Variants in SMIM35 observed in about 807,000 individuals in gnomAD.
The protein encoded by SMIM35 is TMPRSS4 antisense RNA 1 (non-protein coding).
chr11:118,071,915 T>C lies in SMIM35; in HGVS notation c.7+14836A>G, dbSNP rs116233910. 5.5e-3 allele frequency among the ~76,000 whole-genome samples: 837 copies of C among 152,272 alleles called. 10 individuals are homozygous for C. The highest frequency in any genetic ancestry group is 0.019 in the African/African-American group (795 of 41,538). Reference sequence around the variant, plus strand: ...ACTTCTAACCAGCTTCCAGCACTGGTGGCATTGCTGGGTCCATGGGCACAC... The same window carrying C: ...ACTTCTAACCAGCTTCCAGCACTGGCGGCATTGCTGGGTCCATGGGCACAC... On this transcript the variant is annotated intron_variant, in intron 1 of 4. Coordinates refer to ENST00000689828, the MANE Select transcript of SMIM35 (RefSeq NM_001394165.1).
intron 1 of SMIM35, among the ~76,000 whole-genome samples, chr11:118,085,821 C>A (rs1042803437): frequency 6.6e-6 from 1 of 152,174 alleles, no homozygotes; most frequent in Admixed American, 6.5e-5. Context: ...GATGGTGGCA[C>A]CTTCCTTCCT....
At chr11:118,036,733 T>C (rs571331944) in intron 1 of SMIM35, among the ~76,000 whole-genome samples, 1 of 152,362 alleles carries the variant, frequency 6.6e-6, no homozygotes, top group African/African-American at 2.4e-5. Flanking sequence ...GCTGGTTCTC[T>C]GCGATGGTGG....
intron 1 of SMIM35, among the ~76,000 whole-genome samples, chr11:118,030,615 G>A (rs1384794152): frequency 6.6e-6 from 1 of 152,146 alleles, no homozygotes; most frequent in Non-Finnish European, 1.5e-5. Context: ...CATGGAGAAG[G>A]GCTGCTTAGC....
chr11:118,085,066 G>A (rs1945438836), intron 1 of SMIM35, among the ~76,000 whole-genome samples: 1 of 152,274 alleles, frequency 6.6e-6, no homozygotes, highest in African/African-American at 2.4e-5. Context: ...AATGTGCACG[G>A]TGCTGAGCAG....
At chr11:118,084,239 A>T (rs1332463507) in intron 1 of SMIM35, among the ~76,000 whole-genome samples, 2 of 152,166 alleles carry the variant, frequency 1.3e-5, no homozygotes, top group Non-Finnish European at 2.9e-5. Flanking sequence ...AGCAAACAGG[A>T]TTCAGACCTA....
At chr11:118,077,745 C>T (rs1944772539) in intron 1 of SMIM35, among the ~76,000 whole-genome samples, 1 of 152,090 alleles carries the variant, frequency 6.6e-6, no homozygotes, top group African/African-American at 2.4e-5. Flanking sequence ...GGTGCAGTGG[C>T]TCACGCCTGT....
chr11:118,074,417 C>T (rs1944620183), intron 1 of SMIM35, among the ~76,000 whole-genome samples: 1 of 152,104 alleles, frequency 6.6e-6, no homozygotes, highest in Non-Finnish European at 1.5e-5. Context: ...GCAGGCAGGA[C>T]AGGGCTGAGG....
chr11:118,080,123 T>A lies in SMIM35; in HGVS notation c.7+6628A>T, dbSNP rs1202119700. Among the ~76,000 whole-genome samples the A allele has an allele frequency of 2.0e-5, 3 of 152,146 alleles. No individual in the cohort carries two copies. In the East Asian group the frequency reaches 5.8e-4, roughly 29 times the overall value. On this transcript the variant is annotated intron_variant, in intron 1 of 4. Coordinates refer to ENST00000689828, the MANE Select transcript of SMIM35 (RefSeq NM_001394165.1). ...CAATACCTAGGTTTCACCCTGCAGG[T>A]GCTCAACACAGAGTGTGACAAGTAT...
intron 1 of SMIM35, among the ~76,000 whole-genome samples, chr11:118,084,034 T>A (rs1945354724): frequency 6.6e-6 from 1 of 152,142 alleles, no homozygotes; most frequent in Non-Finnish European, 1.5e-5. Context: ...CGAGACTCCA[T>A]CTCAAAAACA....
chr11:118,010,300 T>G (rs1343664404), intron 4 of SMIM35, among the ~76,000 whole-genome samples: 1 of 152,204 alleles, frequency 6.6e-6, no homozygotes, highest in African/African-American at 2.4e-5. Context: ...TCCTGGCACC[T>G]GGCCCCCTCC....
At chr11:118,030,944 A>C (rs537098618) in intron 1 of SMIM35, among the ~76,000 whole-genome samples, 127 of 152,142 alleles carry the variant, frequency 8.3e-4, no homozygotes, top group Non-Finnish European at 1.6e-3. Flanking sequence ...GCCCAAGTAG[A>C]AGAAGACAGA....
At chr11:118,033,029 C>A (rs1475131145) in intron 1 of SMIM35, among the ~76,000 whole-genome samples, 2 of 152,180 alleles carry the variant, frequency 1.3e-5, no homozygotes, top group African/African-American at 4.8e-5. Context: ...CATTTGCATG[C>A]ACACGCATGG....
At chr11:118,028,451 T>A (rs1726594899) in intron 1 of SMIM35, among the ~76,000 whole-genome samples, 1 of 152,100 alleles carries the variant, frequency 6.6e-6, no homozygotes, top group South Asian at 2.1e-4. Flanking sequence ...TTTATGTGTC[T>A]CTCCCTTAGA....
chr11:118,077,872 G>A (rs1284454985), intron 1 of SMIM35, among the ~76,000 whole-genome samples: 1 of 152,016 alleles, frequency 6.6e-6, no homozygotes, highest in Admixed American at 6.5e-5. Flanking sequence ...AATTAGCCAG[G>A]CGTGGTGGCA....
chr11:118,048,569 G>A (rs201045385), intron 1 of SMIM35, among the ~76,000 whole-genome samples: 1,023 of 76,334 alleles, frequency 0.013, 34 homozygotes, highest in African/African-American at 0.042. Context: ...AAGGAAGGAA[G>A]GAAGGAAGGA....
chr11:118,044,835 ACCT>A (rs1944071678), intron 1 of SMIM35, among the ~76,000 whole-genome samples: 2 of 151,406 alleles, frequency 1.3e-5, no homozygotes, highest in Admixed American at 1.3e-4. Context: ...CAAACAAAAA[ACCT>A]CCTAGTTTGA....
rs372597354 is a variant in SMIM35, at chr11:118,065,448, A to G, written c.7+21303T>C. 7.2e-5 allele frequency among the ~76,000 whole-genome samples: 11 copies of G among 152,360 alleles called. No homozygotes were observed. The South Asian group carries it at 8.3e-4, about 11-fold the overall frequency. On this transcript the variant is annotated intron_variant, in intron 1 of 4. Coordinates refer to ENST00000689828, the MANE Select transcript of SMIM35 (RefSeq NM_001394165.1). ...CAATTCATACTGACTTCCTAGAACT[A>G]AATCAAAAGGAAAACCCCAACTTTC...
chr11:118,011,561 G>A (rs753090603), intron 4 of SMIM35, among the ~76,000 whole-genome samples: 1 of 152,090 alleles, frequency 6.6e-6, no homozygotes, highest in African/African-American at 2.4e-5. Flanking sequence ...GCATGATGGC[G>A]CACACCTGTA....
intron 1 of SMIM35, among the ~76,000 whole-genome samples, chr11:118,026,469 A>G (rs11216707): frequency 0.096 from 14,599 of 152,204 alleles, 977 homozygotes; most frequent in East Asian, 0.37. Flanking sequence ...TTCCAAACAG[A>G]TATATTATCT....
Sources: allele counts gnomAD v4.1 joint callset (sites outside exome capture counted in the v4.1 genomes callset), GRCh38; gene constraint gnomAD v4.1.1; transcripts MANE v1.5; gene names NCBI Gene and HGNC (gene_info 2026-07-23, HGNC 2026-07-21).